Variants in RIN2 observed in about 807,000 individuals in gnomAD.
RIN2 encodes RAB5 interacting protein 2.
In RIN2, 36 loss-of-function variants were observed where a neutral mutation model predicts 78.0. The observed-to-expected ratio is 0.46, with a 90% confidence interval of 0.35 to 0.61. The LOEUF is 0.61. RIN2 is among the 20% of genes least tolerant of loss of function. RIN2 has a pLI of 0.00. For synonymous variants in RIN2, 466 were observed against 466.8 expected (o/e 1.00, Z 0.02); for missense variants, 1,087 against 1,159.7 (o/e 0.94, Z 0.91).
At chr20:19,903,401 T>C (rs923158373) in intron 3 of RIN2, among the ~76,000 whole-genome samples, 1 of 152,140 alleles carries the variant, frequency 6.6e-6, no homozygotes, top group Non-Finnish European at 1.5e-5. Flanking sequence ...GAATAGTTGG[T>C]GTTTACATTG....
chr20:19,997,492 C>T (rs2043006695), intron 12 of RIN2, among the ~76,000 whole-genome samples: 2 of 152,210 alleles, frequency 1.3e-5, no homozygotes, highest in South Asian at 4.1e-4. Context: ...GGCATCAGGG[C>T]TCACGCCTGT....
At chr20:19,936,030 G>A (rs1320093493) in intron 4 of RIN2, among the ~76,000 whole-genome samples, 1 of 152,184 alleles carries the variant, frequency 6.6e-6, no homozygotes, top group Non-Finnish European at 1.5e-5. Context: ...CAACAGGCAG[G>A]CCAGCCAGAT....
At chr20:19,808,064 A>G (rs1185540800) in intron 2 of RIN2, among the ~76,000 whole-genome samples, 1 of 152,194 alleles carries the variant, frequency 6.6e-6, no homozygotes, top group African/African-American at 2.4e-5. Context: ...CTTTCCAAAC[A>G]CTCATAAGTT....
chr20:19,934,769 C>T (rs1042626787), intron 3 of RIN2: 10 of 224,436 alleles, frequency 4.5e-5, no homozygotes, highest in South Asian at 1.6e-4. Context: ...TATTTATTCC[C>T]GTCTATATTC....
At chr20:19,978,144 G>A (rs975064407) in intron 9 of RIN2, among the ~76,000 whole-genome samples, 2 of 151,660 alleles carry the variant, frequency 1.3e-5, no homozygotes, top group Non-Finnish European at 2.9e-5. Flanking sequence ...CTTAAAAACT[G>A]GTCTATGTCT....
At chr20:19,803,954 T>G (rs763475623) in intron 2 of RIN2, among the ~76,000 whole-genome samples, 2 of 152,200 alleles carry the variant, frequency 1.3e-5, no homozygotes, top group African/African-American at 4.8e-5. Context: ...ATTCTCTTTA[T>G]AGCAATTGTG....
rs546638761 is a variant in RIN2 at position 19,875,540 on chromosome 20, C to T, written c.-36-14026C>T. On this transcript the variant is annotated intron_variant, in intron 2 of 12. Coordinates refer to ENST00000255006, the MANE Select transcript of RIN2 (RefSeq NM_018993.4). ...CCTGTAGTCCCAAAGGAGTCTGAGG[C>T]GGGAGGATGGCTTGAGTCCAAGAGT... 1.6e-4 allele frequency among the ~76,000 whole-genome samples: 24 copies of T among 152,202 alleles called. No individual in the cohort carries two copies. The South Asian group carries it at 4.2e-3, about 26-fold the overall frequency.
chr20:19,971,735 A>ATTTTTT (rs61019165), intron 8 of RIN2, among the ~76,000 whole-genome samples: 2,309 of 91,436 alleles, frequency 0.025, 282 homozygotes, highest in African/African-American at 0.092. Flanking sequence ...TGAAACTGCA[A>ATTTTTT]TTTTTTTTTT....
At chr20:19,854,783 G>A (rs1246816027) in intron 2 of RIN2, among the ~76,000 whole-genome samples, 1 of 152,202 alleles carries the variant, frequency 6.6e-6, no homozygotes, top group African/African-American at 2.4e-5. Flanking sequence ...ATTTTGGGCT[G>A]AGACGATGGG....
chr20:19,762,527 G>A (rs1302670302), intron 1 of RIN2, among the ~76,000 whole-genome samples: 1 of 152,168 alleles, frequency 6.6e-6, no homozygotes, highest in Non-Finnish European at 1.5e-5. Flanking sequence ...TTAGAGATAT[G>A]TATTAAACAG....
chr20:19,817,788 C>A (rs2035807995), intron 2 of RIN2, among the ~76,000 whole-genome samples: 1 of 152,168 alleles, frequency 6.6e-6, no homozygotes, highest in African/African-American at 2.4e-5. Context: ...TGGGGCAAAG[C>A]CAAGATTCAA....
Position 19,935,208 on chromosome 20 carries a change from A to G in RIN2, c.158+9A>G. 6.3e-7 allele frequency: 1 copy of G among 1,586,848 alleles called. No individual in the cohort carries two copies. The highest frequency in any genetic ancestry group is 8.6e-7 in the Non-Finnish European group (1 of 1,166,046). On this transcript the variant is annotated intron_variant, in intron 4 of 12. Transcript: ENST00000255006. Reference sequence around the variant, plus strand: ...CCCGCTGAAACCCACAGGTGACCAGAGACACGGTTAGGTGATGGGTGCGAG... The same window carrying G: ...CCCGCTGAAACCCACAGGTGACCAGGGACACGGTTAGGTGATGGGTGCGAG...
rs1341050243 is a variant in RIN2 at position 19,988,369 on chromosome 20, C to T, written c.1763-1637C>T. Among the ~76,000 whole-genome samples the T allele has an allele frequency of 2.6e-5, 4 of 152,296 alleles. No individual in the cohort carries two copies. The East Asian group carries it at 7.7e-4, about 29-fold the overall frequency. ...CCCTGGCCTCAAGTGATCTGCCCAC[C>T]CCAGCCTCCCAAAGTGCTGGGATTA... On this transcript the variant is annotated intron_variant, in intron 9 of 12. Transcript: ENST00000255006.
At chr20:19,950,843 G>A (rs1038043260) in intron 4 of RIN2, among the ~76,000 whole-genome samples, 1 of 151,188 alleles carries the variant, frequency 6.6e-6, no homozygotes, top group Non-Finnish European at 1.5e-5. Flanking sequence ...CTGAGCAGCT[G>A]TGGCTAGAAC....
At chr20:19,931,545 A>G (rs757674151) in intron 3 of RIN2, among the ~76,000 whole-genome samples, 3 of 152,192 alleles carry the variant, frequency 2.0e-5, no homozygotes, top group Non-Finnish European at 2.9e-5. Context: ...TTGTTATGTC[A>G]TAGTTGTACA....
chr20:19,797,511 C>T (rs1051503577), intron 1 of RIN2, among the ~76,000 whole-genome samples: 2 of 152,176 alleles, frequency 1.3e-5, no homozygotes, highest in Non-Finnish European at 1.5e-5. Flanking sequence ...AACAGGCTCC[C>T]TTTACTCTGT....
intron 3 of RIN2, among the ~76,000 whole-genome samples, chr20:19,901,451 C>T (rs760515600): frequency 2.0e-5 from 3 of 152,114 alleles, no homozygotes; most frequent in Non-Finnish European, 4.4e-5. Flanking sequence ...CGTCGAACAC[C>T]CGACCTTGTC....
At chr20:19,786,354 T>A (rs1568750506) in intron 1 of RIN2, among the ~76,000 whole-genome samples, 1 of 152,194 alleles carries the variant, frequency 6.6e-6, no homozygotes. Flanking sequence ...GAGGCTACCA[T>A]GCTATGAGGA....
chr20:19,962,917 G>A lies in RIN2; in HGVS notation c.464-2035G>A, dbSNP rs112484365. ...GGTTGCAGTGATCCGAGATAGTGCC[G>A]TTGCACTCTCCAGCCTGGGCGACAG... On this transcript the variant is annotated intron_variant, in intron 6 of 12. Transcript: ENST00000255006. 9.8e-3 allele frequency among the ~76,000 whole-genome samples: 1,490 copies of A among 151,908 alleles called. 13 individuals carry two copies. Among genetic ancestry groups the A allele is most frequent in the Non-Finnish European group, 0.016 (1,115 of 67,908 alleles).
Sources: allele counts gnomAD v4.1 joint callset (sites outside exome capture counted in the v4.1 genomes callset), GRCh38; gene constraint gnomAD v4.1.1; transcripts MANE v1.5; gene names NCBI Gene and HGNC (gene_info 2026-07-23, HGNC 2026-07-21).